The following ZNF578 variants were observed in gnomAD, a reference collection of about 807,000 sequenced individuals.
The protein encoded by ZNF578 is zinc finger protein 578.
Under a neutral mutation model 8.3 loss-of-function variants are expected in ZNF578, and 8 were observed. The observed-to-expected ratio is 0.96, with a 90% CI of 0.56 to 1.74. ZNF578 has a LOEUF of 1.74. Among genes scored for constraint, ZNF578 ranks in the 40% most tolerant of loss-of-function variants. The pLI is 0.00. For synonymous variants in ZNF578, 206 were observed against 232.2 expected, an observed-to-expected ratio of 0.89 and a Z score of 1.03; for missense variants, 726 against 707.5, an observed-to-expected ratio of 1.03 and a Z score of -0.30.
intron 1 of ZNF578, chr19:52,456,583 A>G (rs937845044): frequency 1.3e-5 from 2 of 151,548 alleles, no homozygotes; most frequent in African/African-American, 4.8e-5. Context: ...AGCTCAGTCC[A>G]GCCCAGCACC....
At chr19:52,493,283 C>G (rs1019451367) in intron 3 of ZNF578, among the ~76,000 whole-genome samples, 2 of 152,098 alleles carry the variant, frequency 1.3e-5, no homozygotes, top group Non-Finnish European at 2.9e-5. Context: ...AGGTGTCACC[C>G]TTGTCTTAAG....
intron 3 of ZNF578, among the ~76,000 whole-genome samples, chr19:52,494,346 A>AG (rs1186133562): frequency 6.6e-6 from 1 of 152,094 alleles, no homozygotes; most frequent in Non-Finnish European, 1.5e-5. Context: ...AGAAAAAAAA[A>AG]TTTAACGGGG....
intron 2 of ZNF578, among the ~76,000 whole-genome samples, chr19:52,469,304 G>C (rs1240389657): frequency 1.3e-5 from 2 of 151,892 alleles, no homozygotes; most frequent in East Asian, 1.9e-4. Flanking sequence ...GGGACTACAG[G>C]TGTGCACCAC....
At position 52,512,362 on chromosome 19, in the gene ZNF578, A is replaced by G. The variant is rs1324968293; in HGVS notation, c.*208A>G. 6.6e-7 allele frequency: 1 copy of G among 1,509,686 alleles called. No individual in the cohort carries two copies. Among genetic ancestry groups the G allele is most frequent in the Admixed American group, 1.7e-5 (1 of 59,810 alleles). 93.5% of individuals were successfully genotyped at this position (1,509,686 alleles called of 1,614,324 possible). ...ACTTGACTAATGTAATGATTGTCAC[A>G]AAGTCTTCAGTAACGCTACAACGAT... On this transcript the variant is annotated 3_prime_UTR_variant, in exon 6 of 6. Coordinates refer to ENST00000421239, the MANE Select transcript of ZNF578 (RefSeq NM_001099694.2).
At chr19:52,500,808 C>G (rs2059404129) in intron 3 of ZNF578, among the ~76,000 whole-genome samples, 1 of 151,502 alleles carries the variant, frequency 6.6e-6, no homozygotes, top group African/African-American at 2.4e-5. Flanking sequence ...CTTGACTTTT[C>G]CCTTTTGCTT....
intron 3 of ZNF578, among the ~76,000 whole-genome samples, chr19:52,491,712 T>C (rs2059365548): frequency 6.6e-6 from 1 of 151,794 alleles, no homozygotes; most frequent in South Asian, 2.1e-4. Context: ...AATACTGTCT[T>C]AAAAATAAAA....
Position 52,466,982 on chromosome 19 carries a change from C to T in ZNF578, c.-122+10024C>T, listed in dbSNP as rs1274724579. 2.0e-5 allele frequency among the ~76,000 whole-genome samples: 3 copies of T among 151,764 alleles called. No individual in the cohort carries two copies. In the East Asian group the frequency reaches 5.8e-4, roughly 29 times the overall value. ...CATGTTGTTATCCTTGAACTCATTTCACGTTTTCCCAGGCAACCCTCTCTT... is the reference window on the plus strand; with the variant it reads ...CATGTTGTTATCCTTGAACTCATTTTACGTTTTCCCAGGCAACCCTCTCTT... On this transcript the variant is annotated intron_variant, in intron 2 of 5. Coordinates refer to ENST00000421239, the MANE Select transcript of ZNF578 (RefSeq NM_001099694.2).
At chr19:52,501,557 C>A (rs1487659656) in intron 3 of ZNF578, among the ~76,000 whole-genome samples, 1 of 152,086 alleles carries the variant, frequency 6.6e-6, no homozygotes, top group Non-Finnish European at 1.5e-5. Flanking sequence ...GGGTCTGTGC[C>A]CTGAAGGAGA....
intron 2 of ZNF578, among the ~76,000 whole-genome samples, chr19:52,477,388 T>C (rs1207495287): frequency 2.0e-5 from 3 of 152,068 alleles, no homozygotes; most frequent in African/African-American, 7.2e-5. Context: ...CCTTCTCATT[T>C]CCTGATGGGG....
Position 52,466,880 on chromosome 19 carries a change from C to T in ZNF578, c.-122+9922C>T, listed in dbSNP as rs2059276844. On this transcript the variant is annotated intron_variant, in intron 2 of 5. Coordinates refer to ENST00000421239, the MANE Select transcript of ZNF578 (RefSeq NM_001099694.2). ...GAGTTAAACAATAGTAAGCATAGTG[C>T]TGTAGTATGTGTTTGCATGTGTGTA... Among the ~76,000 whole-genome samples the T allele has an allele frequency of 2.0e-5, 3 of 152,118 alleles. No individual in the cohort carries two copies. The South Asian group carries it at 6.2e-4, about 32-fold the overall frequency.
chr19:52,504,887 G>A (rs1479541018), intron 5 of ZNF578, 106 bp downstream of exon 5: 1 of 1,555,338 alleles, frequency 6.4e-7, no homozygotes, highest in Non-Finnish European at 8.6e-7. Flanking sequence ...TGGTTTTTTT[G>A]TTTGATTGTT....
chr19:52,498,974 T>C (rs378790), intron 3 of ZNF578, among the ~76,000 whole-genome samples: 97,886 of 152,026 alleles, frequency 0.64, 32,844 homozygotes, highest in African/African-American at 0.84. Context: ...TGGGTCACCA[T>C]TCCTGGCTGG....
At chr19:52,488,931 C>T (rs2059355464) in intron 2 of ZNF578, among the ~76,000 whole-genome samples, 1 of 151,884 alleles carries the variant, frequency 6.6e-6, no homozygotes, top group African/African-American at 2.4e-5. Context: ...CCCGTCTCTA[C>T]CAAAAATACA....
chr19:52,469,388 G>A (rs7253900), intron 2 of ZNF578, among the ~76,000 whole-genome samples: 2,843 of 152,018 alleles, frequency 0.019, 82 homozygotes, highest in African/African-American at 0.066. Context: ...TCGAACTCCC[G>A]AGCTCAAGTA....
rs2059470632 is a variant in ZNF578 at position 52,515,535 on chromosome 19, G to A, written c.*3381G>A. 6.6e-6 allele frequency among the ~76,000 whole-genome samples: 1 copy of A among 152,072 alleles called. No homozygotes were observed. The highest frequency in any genetic ancestry group is 1.5e-5 in the Non-Finnish European group (1 of 68,018). On this transcript the variant is annotated 3_prime_UTR_variant, in exon 6 of 6. Transcript: ENST00000421239. ...CAACCTTTGCCATTAGCCCTTCCAG[G>A]ACCCCATGTAAGACTTTAGACACCT...
At chr19:52,506,163 T>G (rs993277912) in intron 5 of ZNF578, among the ~76,000 whole-genome samples, 2 of 152,088 alleles carry the variant, frequency 1.3e-5, no homozygotes, top group Admixed American at 6.6e-5. Context: ...GATTCCAAAC[T>G]GCTGGGATTA....
chr19:52,469,350 T>C (rs1115659), intron 2 of ZNF578, among the ~76,000 whole-genome samples: 134,756 of 151,946 alleles, frequency 0.89, 60,523 homozygotes, highest in Non-Finnish European at 0.96. Flanking sequence ...TTGTATGATG[T>C]GGTTTTGCCA....
intron 3 of ZNF578, among the ~76,000 whole-genome samples, chr19:52,500,871 G>C (rs970023228): frequency 9.4e-6 from 1 of 106,534 alleles, no homozygotes; most frequent in Non-Finnish European, 1.8e-5. Context: ...TGACTGTTTT[G>C]TGTGACTTTT....
At chr19:52,484,276 T>C (rs538140462) in intron 2 of ZNF578, among the ~76,000 whole-genome samples, 120 of 152,336 alleles carry the variant, frequency 7.9e-4, no homozygotes, top group South Asian at 7.0e-3. Flanking sequence ...GTATATACAA[T>C]TGGGCTTTAC....
Sources: allele counts gnomAD v4.1 joint callset (sites outside exome capture counted in the v4.1 genomes callset), GRCh38; gene constraint gnomAD v4.1.1; transcripts MANE v1.5; gene names NCBI Gene and HGNC (gene_info 2026-07-23, HGNC 2026-07-21).